SNX13: variants seen among roughly 807,000 people sequenced by gnomAD.
The protein encoded by SNX13 is sorting nexin-13.
In SNX13, 45 loss-of-function variants were observed where a neutral mutation model predicts 133.6. That is an observed-to-expected ratio of 0.34 (90% CI 0.27 to 0.43). The LOEUF is 0.43. SNX13 is among the 20% of genes least tolerant of loss of function. The pLI is 1.00. For synonymous variants in SNX13, 414 were observed against 373.9 expected (o/e 1.11, Z -1.24); for missense variants, 1,032 against 1,145.1 (o/e 0.90, Z 1.43).
chr7:17,835,538 A>G, intron 13 of SNX13, among the ~76,000 whole-genome samples: 1 of 152,006 alleles, frequency 6.6e-6, no homozygotes, highest in African/African-American at 2.4e-5. Context: ...AAATTACTTT[A>G]TTAAAAGAAA....
intron 9 of SNX13, among the ~76,000 whole-genome samples, chr7:17,866,063 C>T (rs572849357): frequency 4.4e-4 from 67 of 152,144 alleles, no homozygotes; most frequent in African/African-American, 1.4e-3. Flanking sequence ...GGGAAACAAT[C>T]CATGACATTG....
chr7:17,939,636 A>T (rs1802542377), intron 1 of SNX13, among the ~76,000 whole-genome samples: 1 of 152,212 alleles, frequency 6.6e-6, no homozygotes, highest in Non-Finnish European at 1.5e-5. Flanking sequence ...TTCCATAGGG[A>T]GTAACAAGGG....
intron 5 of SNX13, among the ~76,000 whole-genome samples, chr7:17,885,090 C>T (rs1353967895): frequency 2.0e-5 from 3 of 152,080 alleles, no homozygotes; most frequent in African/African-American, 7.2e-5. Context: ...AGACTAGAAA[C>T]AACCTAAATG....
Position 17,803,565 on chromosome 7 carries a change from T to G in SNX13, c.2080A>C (p.Asn694His), listed in dbSNP as rs769050195. The G allele has an allele frequency of 6.2e-6, 10 of 1,609,358 alleles. 1 individual carries two copies. The highest frequency in any genetic ancestry group is 7.6e-6 in the Non-Finnish European group (9 of 1,177,864). The change falls in exon 21 of 26, where the codon AAT (asparagine) becomes CAT (histidine). Residue 694 changes from asparagine (N) to histidine (H), a missense_variant. Coordinates refer to ENST00000428135, the MANE Select transcript of SNX13 (RefSeq NM_015132.5). ...TTCCTCATTGAATTGCGAAGTGGAT[T>G]TACAAAAGTGTCCATCTAAAGGGAA... ...DFARKMDTFV[N>H]PLRNSMRNVS...
Position 17,893,506 on chromosome 7 carries a change from A to G in SNX13, c.126-72T>C, listed in dbSNP as rs1019801211. The G allele has an allele frequency of 3.0e-6, 3 of 983,660 alleles. No homozygotes were observed. The African/African-American group carries it at 4.9e-5, about 16-fold the overall frequency. 60.9% of individuals were successfully genotyped at this position (983,660 alleles called of 1,614,324 possible). A position where few individuals can be genotyped will look rare whatever the true frequency, so the allele number is the denominator to read the frequency against. On this transcript the variant is annotated intron_variant, in intron 2 of 25. Transcript: ENST00000428135. The stretch of plus-strand genomic sequence containing the variant: ...TAATTTAATGAATCTACTACCAAGT[A>G]TATTTTCCAGAGTTCACAGATGGCT...
chr7:17,813,791 A>G (rs1012339753), intron 20 of SNX13, among the ~76,000 whole-genome samples: 3 of 151,792 alleles, frequency 2.0e-5, no homozygotes, highest in Admixed American at 2.0e-4. Flanking sequence ...TCTCGCTGTT[A>G]CCAGGGTTAG....
chr7:17,902,024 G>C (rs1217371717), intron 1 of SNX13, among the ~76,000 whole-genome samples: 1 of 152,152 alleles, frequency 6.6e-6, no homozygotes. Flanking sequence ...AGTTGATATG[G>C]AGAAGATTCA....
At chr7:17,871,932 C>T (rs1794170221) in intron 8 of SNX13, among the ~76,000 whole-genome samples, 1 of 152,088 alleles carries the variant, frequency 6.6e-6, no homozygotes, top group Non-Finnish European at 1.5e-5. Context: ...GAAAAATTTA[C>T]TAGATGATCA....
At chr7:17,884,717 C>T (rs1413333708) in intron 5 of SNX13, among the ~76,000 whole-genome samples, 1 of 152,126 alleles carries the variant, frequency 6.6e-6, no homozygotes, top group Non-Finnish European at 1.5e-5. Flanking sequence ...ATCTGTAGAA[C>T]AAATCACATA....
chr7:17,876,231 T>C (rs1656428771), intron 5 of SNX13, among the ~76,000 whole-genome samples: 1 of 152,350 alleles, frequency 6.6e-6, no homozygotes, highest in South Asian at 2.1e-4. Context: ...CACATTCATC[T>C]TTTTAGCTAT....
chr7:17,866,514 G>A (rs868176557), intron 9 of SNX13, among the ~76,000 whole-genome samples: 1 of 151,740 alleles, frequency 6.6e-6, no homozygotes, highest in Admixed American at 6.6e-5. Context: ...GTAAAGAAAT[G>A]GATAAAGAAA....
chr7:17,803,942 A>C (rs990119273), intron 20 of SNX13, among the ~76,000 whole-genome samples: 5 of 151,224 alleles, frequency 3.3e-5, no homozygotes, highest in African/African-American at 1.2e-4. Flanking sequence ...CTGTGGTCCT[A>C]GCTACTGGGG....
Position 17,940,452 on chromosome 7 carries a change from G to A in SNX13, c.-157C>T, listed in dbSNP as rs778164144. 6 of 815,166 alleles carry A rather than the reference G, an allele frequency of 7.4e-6. No individual in the cohort carries two copies. In the East Asian group the frequency reaches 8.0e-5, roughly 11 times the overall value. The allele number at this position is 815,166 out of a possible 1,614,324, so 50.5% of individuals were successfully genotyped here. A position where few individuals can be genotyped will look rare whatever the true frequency, so the allele number is the denominator to read the frequency against. On this transcript the variant is annotated 5_prime_UTR_variant, in exon 1 of 26. Transcript: ENST00000428135. ...TACTCGGCTTCGCTGGCCTCCCCTC[G>A]GCCCGGTCGCTCGCGACGGACGCGC...
At chr7:17,887,070 G>C (rs1238064056) in intron 5 of SNX13, among the ~76,000 whole-genome samples, 2 of 151,740 alleles carry the variant, frequency 1.3e-5, no homozygotes, top group Non-Finnish European at 2.9e-5. Context: ...TAACTTTACT[G>C]AACACTTACT....
At chr7:17,838,029 C>A (rs1789355595) in intron 13 of SNX13, among the ~76,000 whole-genome samples, 1 of 151,772 alleles carries the variant, frequency 6.6e-6, no homozygotes, top group South Asian at 2.1e-4. Flanking sequence ...TTTCTGTTTA[C>A]TGTAATCCTT....
intron 1 of SNX13, among the ~76,000 whole-genome samples, chr7:17,927,126 TG>T (rs772268458): frequency 2.6e-5 from 4 of 151,588 alleles, no homozygotes; most frequent in Non-Finnish European, 5.9e-5. Flanking sequence ...ATATAAACTA[TG>T]CTCTTGACAT....
intron 18 of SNX13, among the ~76,000 whole-genome samples, chr7:17,819,527 T>C (rs1220711311): frequency 2.6e-5 from 4 of 152,244 alleles, no homozygotes; most frequent in Admixed American, 6.5e-5. Flanking sequence ...GCGCTTGGCA[T>C]TGGAAAAAAT....
chr7:17,832,456 T>C, intron 15 of SNX13: 1 of 984,410 alleles, frequency 1.0e-6, no homozygotes, highest in Non-Finnish European at 1.2e-6. Context: ...TTGTCTTCTC[T>C]CTTTCTGAGT....
chr7:17,917,342 T>C (rs1410959866), intron 1 of SNX13, among the ~76,000 whole-genome samples: 1 of 151,976 alleles, frequency 6.6e-6, no homozygotes, highest in Non-Finnish European at 1.5e-5. Flanking sequence ...AGAAAACGCA[T>C]CCAAATAGAA....
Sources: allele counts gnomAD v4.1 joint callset (sites outside exome capture counted in the v4.1 genomes callset), GRCh38; gene constraint gnomAD v4.1.1; transcripts MANE v1.5; gene names NCBI Gene and HGNC (gene_info 2026-07-23, HGNC 2026-07-21).